PIP5K1B: variants seen among roughly 807,000 people sequenced by gnomAD.
PIP5K1B encodes the protein phosphatidylinositol-4-phosphate 5-kinase type 1 beta.
In PIP5K1B, 42 loss-of-function variants were observed where a neutral mutation model predicts 67.0. That is an observed-to-expected ratio of 0.63 (90% CI 0.49 to 0.81). PIP5K1B has a LOEUF of 0.81. Ranked by LOEUF, PIP5K1B falls within the 30% of genes least tolerant of loss-of-function variation. The pLI is 0.00. For synonymous variants in PIP5K1B, 214 were observed against 231.4 expected (o/e 0.92, Z 0.68); for missense variants, 459 against 646.3 (o/e 0.71, Z 3.14).
At position 68,919,811 on chromosome 9, in the gene PIP5K1B, G is replaced by T. The variant is rs1826275080; in HGVS notation, c.1116+82G>T. On this transcript the variant is annotated intron_variant, in intron 11 of 15. Coordinates refer to ENST00000265382, the MANE Select transcript of PIP5K1B (RefSeq NM_003558.4). ...CAGAGTATGTGCAGGAAACTGTGTT[G>T]CTAGACTCTAAGAGGAAATGAAACA... 1.8e-5 allele frequency: 14 copies of T among 766,550 alleles called. No homozygotes were observed. The South Asian group carries it at 2.4e-4, about 13-fold the overall frequency. The allele number at this position is 766,550 out of a possible 1,614,324, so 47.5% of individuals were successfully genotyped here.
chr9:68,813,673 T>G (rs1833283123), intron 2 of PIP5K1B, among the ~76,000 whole-genome samples: 9 of 152,156 alleles, frequency 5.9e-5, no homozygotes, highest in African/African-American at 1.9e-4. Context: ...TAACCTAGTA[T>G]AACTGGTGTT....
chr9:68,746,981 A>G (rs929585869), intron 2 of PIP5K1B, among the ~76,000 whole-genome samples: 1 of 152,080 alleles, frequency 6.6e-6, no homozygotes, highest in African/African-American at 2.4e-5. Flanking sequence ...TTGGGGATTC[A>G]TGGGCTATGG....
intron 2 of PIP5K1B, among the ~76,000 whole-genome samples, chr9:68,745,365 G>A (rs1829244225): frequency 1.3e-5 from 2 of 152,218 alleles, no homozygotes; most frequent in Non-Finnish European, 2.9e-5. Context: ...TAGGTAAGAG[G>A]TTTAAGACCA....
intron 3 of PIP5K1B, 114 bp from the exon 4 acceptor site, chr9:68,822,501 T>G (rs899008578): frequency 2.8e-6 from 2 of 702,082 alleles, no homozygotes; most frequent in Non-Finnish European, 4.8e-6. Flanking sequence ...ACAACAGCAA[T>G]AGCAATAACA....
At chr9:68,792,721 C>T (rs1231171036) in intron 2 of PIP5K1B, among the ~76,000 whole-genome samples, 1 of 152,114 alleles carries the variant, frequency 6.6e-6, no homozygotes, top group Admixed American at 6.5e-5. Flanking sequence ...CCTCGTGATC[C>T]GCCCGCCTCG....
rs145591244 is a variant in PIP5K1B at position 68,776,967 on chromosome 9, A to G, written c.-86+34310A>G. On this transcript the variant is annotated intron_variant, in intron 2 of 15. Coordinates refer to ENST00000265382, the MANE Select transcript of PIP5K1B (RefSeq NM_003558.4). ...AGAATCCTCAGTGCTGAACATTTTA[A>G]TTCTATCAAATTTTTATTAGCATAT... 1.9e-3 allele frequency among the ~76,000 whole-genome samples: 288 copies of G among 152,332 alleles called. 2 individuals are homozygous for G. Among genetic ancestry groups the G allele is most frequent in the African/African-American group, 6.2e-3 (259 of 41,566 alleles).
intron 1 of PIP5K1B, among the ~76,000 whole-genome samples, chr9:68,716,335 C>G (rs1277985100): frequency 1.3e-5 from 2 of 152,116 alleles, no homozygotes; most frequent in African/African-American, 4.8e-5. Flanking sequence ...TCTGATCTCT[C>G]CCATCACAGA....
chr9:68,935,440 C>T (rs191031738), intron 13 of PIP5K1B, among the ~76,000 whole-genome samples: 1 of 152,172 alleles, frequency 6.6e-6, no homozygotes, highest in African/African-American at 2.4e-5. Flanking sequence ...TGCATTCCAG[C>T]CTGGGCAACA....
At chr9:68,753,195 A>G (rs1487345289) in intron 2 of PIP5K1B, among the ~76,000 whole-genome samples, 2 of 150,834 alleles carry the variant, frequency 1.3e-5, no homozygotes, top group Admixed American at 1.3e-4. Flanking sequence ...TTTTTTTTTA[A>G]CATTTTAAAG....
intron 14 of PIP5K1B, chr9:68,965,734 G>C (rs1828989896): frequency 6.6e-6 from 1 of 152,200 alleles, no homozygotes; most frequent in African/African-American, 2.4e-5. Context: ...GGGAGGCCAA[G>C]GCAGGTGGAT....
intron 4 of PIP5K1B, among the ~76,000 whole-genome samples, chr9:68,826,541 C>T (rs533515727): frequency 3.9e-5 from 6 of 152,224 alleles, no homozygotes; most frequent in South Asian, 2.1e-4. Flanking sequence ...CTATCTGTCC[C>T]GTAGGCAGTG....
intron 15 of PIP5K1B, among the ~76,000 whole-genome samples, chr9:68,995,441 G>A (rs1240654287): frequency 1.3e-5 from 2 of 152,058 alleles, no homozygotes; most frequent in Non-Finnish European, 2.9e-5. Flanking sequence ...TGTTTTGCGT[G>A]CTCTTCTAGA....
chr9:68,724,551 T>A (rs938320822), intron 1 of PIP5K1B, among the ~76,000 whole-genome samples: 4 of 152,148 alleles, frequency 2.6e-5, no homozygotes, highest in Non-Finnish European at 5.9e-5. Flanking sequence ...ACAATATTCT[T>A]CCAATCTCTG....
chr9:68,751,468 T>A (rs1450051804), intron 2 of PIP5K1B, among the ~76,000 whole-genome samples: 1 of 152,216 alleles, frequency 6.6e-6, no homozygotes, highest in Non-Finnish European at 1.5e-5. Flanking sequence ...ACTCTTTGAA[T>A]ACTGTGTGCC....
chr9:68,795,029 C>T (rs1587463271), intron 2 of PIP5K1B, among the ~76,000 whole-genome samples: 1 of 152,138 alleles, frequency 6.6e-6, no homozygotes, highest in African/African-American at 2.4e-5. Flanking sequence ...TCTTTCAAGA[C>T]GTCAGTTAAG....
chr9:68,959,149 G>T (rs889424999), intron 14 of PIP5K1B, among the ~76,000 whole-genome samples: 1 of 152,118 alleles, frequency 6.6e-6, no homozygotes, highest in African/African-American at 2.4e-5. Flanking sequence ...TTCTGATTAT[G>T]AAAATTATAC....
chr9:68,922,085 CTGA>C (rs1230999315), intron 11 of PIP5K1B, among the ~76,000 whole-genome samples: 1 of 152,176 alleles, frequency 6.6e-6, no homozygotes, highest in East Asian at 1.9e-4. Context: ...TTGCCTTCTG[CTGA>C]TATTTCTAAA....
chr9:68,716,760 A>C (rs1010164903), intron 1 of PIP5K1B, among the ~76,000 whole-genome samples: 1 of 152,188 alleles, frequency 6.6e-6, no homozygotes, highest in African/African-American at 2.4e-5. Context: ...AAGGAAAATA[A>C]ATTGTTTTAT....
Position 68,888,982 on chromosome 9 carries a change from A to T in PIP5K1B, c.320A>T (p.Tyr107Phe). 1 of 1,602,814 alleles carries T rather than the reference A, an allele frequency of 6.2e-7. No individual in the cohort carries two copies. Among genetic ancestry groups the T allele is most frequent in the Non-Finnish European group, 8.5e-7 (1 of 1,170,312 alleles). ...LFGIKPDDYL[Y>F]SICSEPLIEL... is the part of the protein sequence containing the mutation. ...ATGTTTATTCATTTACCCTTTTAGT[A>T]TTCCATCTGCAGTGAACCTCTAATA... Residue 107 changes from tyrosine (Y) to phenylalanine (F), a missense_variant and splice_region_variant, in exon 7 of 16, where the codon TAT becomes TTT. Transcript: ENST00000265382.
Sources: allele counts gnomAD v4.1 joint callset (sites outside exome capture counted in the v4.1 genomes callset), GRCh38; gene constraint gnomAD v4.1.1; transcripts MANE v1.5; gene names NCBI Gene and HGNC (gene_info 2026-07-23, HGNC 2026-07-21).